The following RBFOX2 variants were observed in gnomAD, a reference collection of about 807,000 sequenced individuals.
RBFOX2 encodes RNA binding fox-1 homolog 2.
RBFOX2 carries 10 observed loss-of-function variants against 49.1 expected under a neutral mutation model. That is an observed-to-expected ratio of 0.20 (90% confidence interval 0.13 to 0.35). The LOEUF (loss-of-function observed/expected upper bound fraction) is 0.35. RBFOX2 is among the 10% of genes least tolerant of loss of function. The probability of loss-of-function intolerance (pLI) is 1.00; values close to 1 mark genes in which losing one functional copy is unlikely to be tolerated. For missense variants in RBFOX2, 323 were observed against 486.9 expected (o/e 0.66, Z 3.17); for synonymous variants, 183 against 187.4 (o/e 0.98, Z 0.19).
intron 1 of RBFOX2, among the ~76,000 whole-genome samples, chr22:35,929,841 A>G (rs2052146479): frequency 6.6e-6 from 1 of 151,930 alleles, no homozygotes; most frequent in Admixed American, 6.6e-5. Context: ...TGGGGGAGAG[A>G]GGGAGGACTG....
chr22:35,966,477 G>C (rs1350443797), upstream of RBFOX2, among the ~76,000 whole-genome samples: 1 of 152,166 alleles, frequency 6.6e-6, no homozygotes, highest in African/African-American at 2.4e-5. Flanking sequence ...TCCAGATGCT[G>C]AACGTCCTCA....
At chr22:36,002,948 G>A (rs1173037072) in intron 1 of RBFOX2, among the ~76,000 whole-genome samples, 2 of 152,196 alleles carry the variant, frequency 1.3e-5, no homozygotes, top group African/African-American at 4.8e-5. Flanking sequence ...GTTCTAAGCA[G>A]CTCCTACCTT....
At chr22:35,893,436 A>G (rs1324371579) in intron 1 of RBFOX2, among the ~76,000 whole-genome samples, 1 of 152,232 alleles carries the variant, frequency 6.6e-6, no homozygotes, top group South Asian at 2.1e-4. Flanking sequence ...GATTAATTCA[A>G]CTTGCTTCCT....
intron 1 of RBFOX2, among the ~76,000 whole-genome samples, chr22:35,877,013 A>T (rs1452807124): frequency 6.6e-6 from 1 of 152,218 alleles, no homozygotes; most frequent in Non-Finnish European, 1.5e-5. Context: ...ACTTCTGTAG[A>T]TTTAGAGGAA....
intron 1 of RBFOX2, among the ~76,000 whole-genome samples, chr22:36,011,797 G>GA (rs1161974925): frequency 7.9e-5 from 12 of 152,074 alleles, no homozygotes; most frequent in African/African-American, 1.2e-4. Flanking sequence ...GAAACTGTCA[G>GA]AAAAAAATCA....
At chr22:35,748,751 C>A (rs1933761780) in intron 9 of RBFOX2, 1 of 152,124 alleles carries the variant, frequency 6.6e-6, no homozygotes, top group Admixed American at 6.5e-5. Context: ...AGTTAAAGCC[C>A]AATTCATGTT....
intron 9 of RBFOX2, among the ~76,000 whole-genome samples, chr22:35,751,491 G>A (rs1384976613): frequency 1.3e-5 from 2 of 152,134 alleles, no homozygotes; most frequent in Non-Finnish European, 2.9e-5. Context: ...TCCAACTAGC[G>A]TGGGTTTAAT....
chr22:35,971,912 TAAAAAAAAA>T (rs527896726), intron 1 of RBFOX2, among the ~76,000 whole-genome samples: 1 of 56,618 alleles, frequency 1.8e-5, no homozygotes, highest in Non-Finnish European at 3.3e-5. Flanking sequence ...TTTTTCTCCC[TAAAAAAAAA>T]AAAAAAAAAA....
At chr22:35,751,668 C>T (rs1934975746) in intron 9 of RBFOX2, among the ~76,000 whole-genome samples, 1 of 152,120 alleles carries the variant, frequency 6.6e-6, no homozygotes, top group Admixed American at 6.5e-5. Context: ...CACAAACTTA[C>T]AATAATGGTG....
chr22:35,948,858 C>T (rs1187158885), intron 1 of RBFOX2, among the ~76,000 whole-genome samples: 1 of 152,016 alleles, frequency 6.6e-6, no homozygotes, highest in Non-Finnish European at 1.5e-5. Context: ...TTTCAGTATA[C>T]ACTTCTATAG....
intron 1 of RBFOX2, among the ~76,000 whole-genome samples, chr22:35,855,101 T>G (rs1033269478): frequency 6.6e-6 from 1 of 152,144 alleles, no homozygotes; most frequent in Non-Finnish European, 1.5e-5. Flanking sequence ...AATGAAAATA[T>G]TTTCAACTCA....
rs746450271 is a variant in RBFOX2, at chr22:35,768,369, G to T, written c.454-20C>A. On this transcript the variant is annotated intron_variant, in intron 4 of 11. Coordinates refer to ENST00000405409, the Ensembl canonical transcript of RBFOX2. The stretch of plus-strand genomic sequence containing the variant: ...GAATCCCTGCATGCAGCGGGAGAAG[G>T]GGGGAAAACATGCACATCGTTATAT... 5.6e-6 allele frequency: 9 copies of T among 1,599,100 alleles called. No individual in the cohort carries two copies. Among genetic ancestry groups the T allele is most frequent in the Non-Finnish European group, 7.7e-6 (9 of 1,166,740 alleles).
intron 2 of RBFOX2, among the ~76,000 whole-genome samples, chr22:35,791,670 C>G (rs114817705): frequency 0.023 from 3,522 of 152,214 alleles, 152 homozygotes; most frequent in African/African-American, 0.08. Flanking sequence ...ACTTGTAACT[C>G]TCATTATTTT....
chr22:36,019,137 GCCAGTGAATCTGTCAC>G (rs2059153411), intron 1 of RBFOX2, among the ~76,000 whole-genome samples: 1 of 152,146 alleles, frequency 6.6e-6, no homozygotes, highest in Admixed American at 6.5e-5. Flanking sequence ...CACTAAAACA[GCCAGTGAATCTGTCAC>G]CCACCCTCCC....
In RBFOX2 at chr22:35,988,095, A is replaced by G. The variant is rs961435410; in HGVS notation, c.186+40145T>C. Among the ~76,000 whole-genome samples the G allele has an allele frequency of 3.3e-5, 5 of 152,330 alleles. No homozygotes were observed. The East Asian group carries it at 9.6e-4, about 29-fold the overall frequency. ...GAAACAAACTAACTAGAGCTACTTAACCAGTGAAAGCCAGAGGTAAAACCC... is the reference window on the plus strand; with the variant it reads ...GAAACAAACTAACTAGAGCTACTTAGCCAGTGAAAGCCAGAGGTAAAACCC... On this transcript the variant is annotated intron_variant, in intron 1 of 13. Transcript: ENST00000438146.
chr22:35,949,252 C>A (rs1215328003), intron 1 of RBFOX2, among the ~76,000 whole-genome samples: 1 of 152,170 alleles, frequency 6.6e-6, no homozygotes, highest in South Asian at 2.1e-4. Context: ...ATATGTGGTA[C>A]GTAAAAATCA....
upstream of RBFOX2, among the ~76,000 whole-genome samples, chr22:35,943,500 G>A (rs1318071844): frequency 1.3e-5 from 2 of 152,162 alleles, no homozygotes; most frequent in Admixed American, 1.3e-4. Flanking sequence ...CCAACCGTAA[G>A]AATCTTTATT....
chr22:35,997,859 C>T (rs1368530983), intron 1 of RBFOX2: 1 of 152,156 alleles, frequency 6.6e-6, no homozygotes, highest in African/African-American at 2.4e-5. Context: ...AAAAAATTAC[C>T]CAGACATGGT....
intron 1 of RBFOX2, among the ~76,000 whole-genome samples, chr22:35,977,023 A>G (rs927934656): frequency 1.3e-5 from 2 of 152,162 alleles, no homozygotes; most frequent in African/African-American, 4.8e-5. Context: ...AAAAATGTGC[A>G]AAACATTTAA....
Sources: gnomAD v4.1 joint callset for allele counts (sites outside exome capture counted in the v4.1 genomes callset) on GRCh38, gnomAD v4.1.1 for gene constraint, MANE v1.5 for transcripts, NCBI Gene and HGNC (gene_info 2026-07-23, HGNC 2026-07-21) for gene names.